The following CDH11 variants were observed in gnomAD, a reference collection of about 807,000 sequenced individuals.
CDH11 encodes cadherin-11.
In CDH11, 11 loss-of-function variants were observed where a neutral mutation model predicts 67.8. The observed-to-expected ratio is 0.16, with a 90% CI of 0.10 to 0.27. CDH11 has a LOEUF of 0.27. CDH11 is among the 10% of genes least tolerant of loss of function. CDH11 has a pLI of 1.00. For synonymous variants in CDH11, 419 were observed against 400.0 expected, an observed-to-expected ratio of 1.05 and a Z score of -0.57; for missense variants, 847 against 1,031.2, an observed-to-expected ratio of 0.82 and a Z score of 2.45.
intron 2 of CDH11, among the ~76,000 whole-genome samples, chr16:65,021,393 T>C (rs2073420629): frequency 6.6e-6 from 1 of 152,162 alleles, no homozygotes; most frequent in East Asian, 1.9e-4. Flanking sequence ...CAAGGACTTC[T>C]AGAATGTTAG....
intron 1 of CDH11, among the ~76,000 whole-genome samples, chr16:65,085,590 G>C (rs1054126197): frequency 2.6e-5 from 4 of 152,166 alleles, no homozygotes; most frequent in Non-Finnish European, 4.4e-5. Flanking sequence ...AGATTGATTG[G>C]TCTGAATTCT....
At chr16:65,008,970 A>G (rs1021524663) in intron 2 of CDH11, among the ~76,000 whole-genome samples, 1 of 152,142 alleles carries the variant, frequency 6.6e-6, no homozygotes, top group Non-Finnish European at 1.5e-5. Flanking sequence ...CCTAAAACGT[A>G]GCATTATTGC....
At chr16:65,009,527 G>A (rs1432995437) in intron 2 of CDH11, among the ~76,000 whole-genome samples, 1 of 151,924 alleles carries the variant, frequency 6.6e-6, no homozygotes, top group Admixed American at 6.6e-5. Context: ...ACTGATTGAT[G>A]TATTCAGTGG....
At chr16:64,991,609 T>C (rs1369250502) in intron 6 of CDH11, 159 bp downstream of exon 6, 6 of 536,574 alleles carry the variant, frequency 1.1e-5, no homozygotes, top group Non-Finnish European at 1.7e-5. Context: ...TTGTTGTTGT[T>C]GTCTTGTTTT....
At chr16:65,057,283 C>T (rs1420898806) in intron 1 of CDH11, among the ~76,000 whole-genome samples, 2 of 152,154 alleles carry the variant, frequency 1.3e-5, no homozygotes, top group East Asian at 3.9e-4. Flanking sequence ...TTGCTGCACC[C>T]ACTTCCTACC....
At chr16:65,007,393 GGAGA>G (rs1429542050) in intron 2 of CDH11, among the ~76,000 whole-genome samples, 2 of 152,074 alleles carry the variant, frequency 1.3e-5, no homozygotes, top group African/African-American at 4.8e-5. Flanking sequence ...AGGCTACGTG[GGAGA>G]GAGAGAAAGA....
chr16:64,990,631 A>C (rs1432207189), intron 6 of CDH11, among the ~76,000 whole-genome samples: 1 of 152,198 alleles, frequency 6.6e-6, no homozygotes, highest in Non-Finnish European at 1.5e-5. Flanking sequence ...TACGGAAACC[A>C]GTTTTATCTG....
chr16:64,952,279 T>A (rs989929137), intron 11 of CDH11, among the ~76,000 whole-genome samples: 2 of 152,228 alleles, frequency 1.3e-5, no homozygotes, highest in Admixed American at 1.3e-4. Flanking sequence ...TAGAAATACA[T>A]AACCTACTCT....
chr16:65,045,669 T>C (rs928199007), intron 2 of CDH11, among the ~76,000 whole-genome samples: 5 of 152,060 alleles, frequency 3.3e-5, no homozygotes, highest in Non-Finnish European at 5.9e-5. Flanking sequence ...AAATGTTAAT[T>C]CTGTGGCTCA....
chr16:64,951,094 T>C, intron 11 of CDH11, 76 bp from the exon 12 acceptor site: 1 of 1,406,604 alleles, frequency 7.1e-7, no homozygotes, highest in African/African-American at 1.4e-5. Context: ...CTCGGCAGAT[T>C]TGAGGGCACT....
At chr16:65,114,685 G>C (rs1300429736) in intron 1 of CDH11, among the ~76,000 whole-genome samples, 3 of 152,188 alleles carry the variant, frequency 2.0e-5, no homozygotes, top group African/African-American at 7.2e-5. Flanking sequence ...AGCAAGAACA[G>C]ATGACACCGG....
intron 12 of CDH11, among the ~76,000 whole-genome samples, chr16:64,949,956 G>A (rs2071312695): frequency 6.6e-6 from 1 of 152,092 alleles, no homozygotes; most frequent in South Asian, 2.1e-4. Context: ...TTTTTCCTAT[G>A]GAGTAAAGCT....
At chr16:64,963,112 A>C (rs2071717694) in intron 11 of CDH11, among the ~76,000 whole-genome samples, 1 of 152,244 alleles carries the variant, frequency 6.6e-6, no homozygotes. Context: ...AGAAAATATC[A>C]AAACCAGGCA....
At chr16:64,952,984 G>A (rs950884532) in intron 11 of CDH11, among the ~76,000 whole-genome samples, 6 of 152,000 alleles carry the variant, frequency 3.9e-5, no homozygotes, top group South Asian at 2.1e-4. Context: ...ATATACAATG[G>A]CACAGTCTTT....
At chr16:65,033,145 A>G (rs1289547721) in intron 2 of CDH11, among the ~76,000 whole-genome samples, 1 of 152,064 alleles carries the variant, frequency 6.6e-6, no homozygotes, top group Non-Finnish European at 1.5e-5. Flanking sequence ...TCGTTCTTCC[A>G]TCTAATAAGT....
chr16:65,003,048 G>C (rs916310228), intron 3 of CDH11, among the ~76,000 whole-genome samples: 2 of 144,702 alleles, frequency 1.4e-5, no homozygotes, highest in Admixed American at 6.9e-5. Flanking sequence ...CCACATGATA[G>C]GATTTCAGTT....
At chr16:65,082,667 T>A (rs1463456848) in intron 1 of CDH11, among the ~76,000 whole-genome samples, 1 of 152,256 alleles carries the variant, frequency 6.6e-6, no homozygotes, top group East Asian at 1.9e-4. Context: ...ATTCATTTAT[T>A]CAAGGTGTAA....
chr16:65,005,615 C>T (rs1411652321), intron 2 of CDH11, among the ~76,000 whole-genome samples: 1 of 152,030 alleles, frequency 6.6e-6, no homozygotes, highest in Admixed American at 6.5e-5. Context: ...GGGGAAGATC[C>T]CAAGAAACCA....
intron 1 of CDH11, among the ~76,000 whole-genome samples, chr16:65,085,731 G>A (rs1204088101): frequency 6.6e-6 from 1 of 152,176 alleles, no homozygotes; most frequent in Non-Finnish European, 1.5e-5. Flanking sequence ...TAAGAGTGAG[G>A]AAACTGCAAT....
Sources: gnomAD v4.1 joint callset for allele counts (sites outside exome capture counted in the v4.1 genomes callset) on GRCh38, gnomAD v4.1.1 for gene constraint, MANE v1.5 for transcripts, NCBI Gene and HGNC (gene_info 2026-07-23, HGNC 2026-07-21) for gene names.